Variants in PRKD3 observed in about 807,000 individuals in gnomAD.
PRKD3 encodes serine/threonine-protein kinase D3.
A neutral mutation model predicts 99.2 loss-of-function variants in PRKD3; 47 were observed. That is an observed-to-expected ratio of 0.47 (90% CI 0.38 to 0.60). PRKD3 has a LOEUF of 0.60. Among genes scored for constraint, PRKD3 ranks in the 20% least tolerant of loss-of-function variants. The probability of loss-of-function intolerance (pLI) is 0.00; values close to 1 mark genes in which losing one functional copy is unlikely to be tolerated. For missense variants in PRKD3, 1,019 were observed against 1,088.4 expected, an observed-to-expected ratio of 0.94 and a Z score of 0.90; for synonymous variants, 392 against 355.4, an observed-to-expected ratio of 1.10 and a Z score of -1.16.
At chr2:37,264,347 A>G (rs1668678537) in intron 14 of PRKD3, among the ~76,000 whole-genome samples, 1 of 152,226 alleles carries the variant, frequency 6.6e-6, no homozygotes, top group Non-Finnish European at 1.5e-5. Flanking sequence ...ACCCAGTACT[A>G]TGTGGGTATT....
chr2:37,255,063 G>A lies in PRKD3; in HGVS notation c.2414-774C>T, dbSNP rs1304682935. 2.0e-5 allele frequency among the ~76,000 whole-genome samples: 3 copies of A among 152,172 alleles called. 1 individual carries two copies. The East Asian group carries it at 5.8e-4, about 29-fold the overall frequency. ...AAATGGAAAGACTTGTACCATCCTA[G>A]TTCTATTTCTTGTCTCTATACTACC... On this transcript the variant is annotated intron_variant, in intron 17 of 18. Coordinates refer to ENST00000234179, the MANE Select transcript of PRKD3 (RefSeq NM_005813.6).
chr2:37,316,236 C>A lies in PRKD3; in HGVS notation c.288+1G>T, dbSNP rs1377243755. On this transcript the variant is annotated splice_donor_variant, in intron 2 of 18. Transcript: ENST00000234179. LOFTEE classifies it high-confidence loss of function. ...ACTACTGATAATAGCACACACAGTACCTTTTGATAAACTATGGAGCACACA... is the reference window on the plus strand; with the variant it reads ...ACTACTGATAATAGCACACACAGTAACTTTTGATAAACTATGGAGCACACA... 2 of 1,606,384 alleles carry A rather than the reference C, an allele frequency of 1.2e-6. No individual in the cohort carries two copies. Among genetic ancestry groups the A allele is most frequent in the Non-Finnish European group, 1.7e-6 (2 of 1,173,124 alleles).
rs1319901819 is a variant in PRKD3, at chr2:37,274,509, C to T, written c.1563G>A (p.Gln521=). ...AATGVGLDVA[Q]SWEKAIRQAL... ...CTTGGCGAATTGCTTTTTCCCAGCT[C>T]TGTGCTACATCAAGTCCAACTCCAG... is the stretch of plus-strand genomic sequence containing the variant. Residue 521 remains glutamine (Q), a synonymous_variant, in exon 11 of 19, where the codon CAG becomes CAA. Transcript: ENST00000234179. 2 of 1,614,008 alleles carry T rather than the reference C, an allele frequency of 1.2e-6. No homozygotes were observed. Among genetic ancestry groups the T allele is most frequent in the Non-Finnish European group, 1.7e-6 (2 of 1,180,006 alleles).
At chr2:37,298,154 G>C (rs975091243) in intron 2 of PRKD3, among the ~76,000 whole-genome samples, 7 of 151,608 alleles carry the variant, frequency 4.6e-5, no homozygotes, top group African/African-American at 1.7e-4. Flanking sequence ...ATTTATTTTT[G>C]AATAGGCAAT....
Position 37,275,843 on chromosome 2 carries a change from C to G in PRKD3, c.1298G>C (p.Arg433Thr). Reference protein sequence around the residue: ...MVHYTSRDNLRKRHYWRLDSK... With the variant: ...MVHYTSRDNLTKRHYWRLDSK... ...GTCAAGTCTCCAATAATGCCTCTTT[C>G]TCTATAAAATGAAGATTGGAAAACT... Residue 433 changes from arginine to threonine, a missense_variant and splice_region_variant, in exon 10 of 19, where the codon AGA (arginine) becomes ACA (threonine). Arg to Thr is a moderately conservative substitution (Grantham distance 71). Transcript: ENST00000234179. 1 of 1,604,506 alleles carries G rather than the reference C, an allele frequency of 6.2e-7. No individual in the cohort carries two copies.
At chr2:37,258,908 G>A (rs1668188632) in intron 16 of PRKD3, among the ~76,000 whole-genome samples, 1 of 152,122 alleles carries the variant, frequency 6.6e-6, no homozygotes, top group African/African-American at 2.4e-5. Context: ...GAGCTGATCG[G>A]AGGAATCATC....
chr2:37,324,290 G>A, intron 1 of PRKD3: 1 of 927,056 alleles, frequency 1.1e-6, no homozygotes, highest in African/African-American at 1.8e-5. Flanking sequence ...CTGGCTTCGG[G>A]AACTAGTTTG....
chr2:37,324,088 G>A (rs1572715557), intron 1 of PRKD3: 1 of 791,322 alleles, frequency 1.3e-6, no homozygotes, highest in Non-Finnish European at 1.5e-6. Flanking sequence ...TCAGCTTAAG[G>A]AAAACCTCCC....
intron 2 of PRKD3, among the ~76,000 whole-genome samples, chr2:37,299,532 AC>A (rs1670822490): frequency 1.3e-5 from 2 of 150,726 alleles, no homozygotes; most frequent in East Asian, 2.0e-4. Flanking sequence ...ACACACACAC[AC>A]ACACACACAC....
intron 16 of PRKD3, among the ~76,000 whole-genome samples, chr2:37,257,238 C>T (rs140730369): frequency 3.3e-4 from 50 of 152,252 alleles, no homozygotes; most frequent in African/African-American, 1.2e-3. Flanking sequence ...ATAGAGTATG[C>T]TGCTTTCTAT....
chr2:37,315,188 T>A (rs1671605189), intron 2 of PRKD3, among the ~76,000 whole-genome samples: 1 of 152,088 alleles, frequency 6.6e-6, no homozygotes, highest in African/African-American at 2.4e-5. Flanking sequence ...CTACTAAAAA[T>A]AAAATATAAC....
chr2:37,296,380 T>G (rs1274629921), intron 2 of PRKD3, among the ~76,000 whole-genome samples: 1 of 152,144 alleles, frequency 6.6e-6, no homozygotes, highest in Non-Finnish European at 1.5e-5. Context: ...AGTGAGATAT[T>G]ACAAAACATT....
intron 9 of PRKD3, among the ~76,000 whole-genome samples, chr2:37,276,649 A>T (rs1219490695): frequency 6.6e-6 from 1 of 151,836 alleles, no homozygotes; most frequent in Non-Finnish European, 1.5e-5. Context: ...TTTTTTAATG[A>T]GATTGAATTT....
At chr2:37,294,636 C>T (rs890927091) in intron 2 of PRKD3, among the ~76,000 whole-genome samples, 1 of 152,046 alleles carries the variant, frequency 6.6e-6, no homozygotes, top group East Asian at 1.9e-4. Flanking sequence ...AGTAAAAATA[C>T]AGAACCAAAA....
intron 12 of PRKD3, among the ~76,000 whole-genome samples, chr2:37,271,553 T>G (rs1333191215): frequency 1.3e-5 from 2 of 152,284 alleles, no homozygotes. Flanking sequence ...TGCGGCCTGT[T>G]AGGAACCAGG....
chr2:37,306,210 C>G (rs533929954), intron 2 of PRKD3, among the ~76,000 whole-genome samples: 37 of 152,186 alleles, frequency 2.4e-4, no homozygotes, highest in Admixed American at 7.8e-4. Context: ...CCCTTGTAAT[C>G]AGGCGTTAAG....
Position 37,253,300 on chromosome 2 carries a change from T to C in PRKD3, c.2550A>G (p.Glu850=). The C allele has an allele frequency of 1.2e-6, 2 of 1,613,204 alleles. No individual in the cohort carries two copies. Among genetic ancestry groups the C allele is most frequent in the East Asian group, 4.5e-5 (2 of 44,836 alleles). ...DLREFETRIG[E]RYITHESDDA... ...CATCACTTTCATGTGTAATGTAACG[T>C]TCTCCAATGCGAGTTTCAAATTCTC... Residue 850 remains glutamate (E), a synonymous_variant, in exon 19 of 19, where the codon GAA becomes GAG. Transcript: ENST00000234179.
intron 11 of PRKD3, among the ~76,000 whole-genome samples, chr2:37,274,163 A>G (rs560278840): frequency 4.6e-5 from 7 of 152,336 alleles, no homozygotes; most frequent in East Asian, 3.9e-4. Context: ...GCCTGATCAT[A>G]TAACAGATGG....
In PRKD3 at chr2:37,316,473, C is replaced by T. The variant is rs1400406664; in HGVS notation, c.52G>A (p.Ala18Thr). The T allele has an allele frequency of 2.5e-6, 4 of 1,614,114 alleles. No individual in the cohort carries two copies. The highest frequency in any genetic ancestry group is 2.5e-6 in the Non-Finnish European group (3 of 1,180,046). The change falls in exon 2 of 19, where the codon GCT (alanine) becomes ACT (threonine). Residue 18 changes from alanine to threonine, a missense_variant. Transcript: ENST00000234179. ...GCAGCTGGAAGCACAGCAGGAATAG[C>T]TGTGGGTAATACAGACTTCTGGGCT... Reference protein sequence around the residue: ...PSAQKSVLPTAIPAVLPAASP... With the variant: ...PSAQKSVLPTTIPAVLPAASP...
Sources: allele counts gnomAD v4.1 joint callset (sites outside exome capture counted in the v4.1 genomes callset), GRCh38; gene constraint gnomAD v4.1.1; transcripts MANE v1.5; gene names NCBI Gene and HGNC (gene_info 2026-07-23, HGNC 2026-07-21).